DKK3: variants seen among roughly 807,000 people sequenced by gnomAD.
The protein encoded by DKK3 is dickkopf-related protein 3.
Under a neutral mutation model 33.2 loss-of-function variants are expected in DKK3, and 22 were observed. The ratio of observed to expected loss-of-function variants is 0.66; its 90% CI spans 0.47 to 0.95. DKK3 has a LOEUF of 0.95. Ranked by LOEUF, DKK3 falls within the 40% of genes least tolerant of loss-of-function variation. The pLI, the probability that DKK3 is intolerant of heterozygous loss-of-function variation, is 0.00. For synonymous variants in DKK3, 194 were observed against 188.8 expected (o/e 1.03, Z -0.23); for missense variants, 398 against 458.4 (o/e 0.87, Z 1.20).
intron 2 of DKK3, among the ~76,000 whole-genome samples, chr11:12,000,362 A>G (rs1041288972): frequency 3.3e-5 from 5 of 152,090 alleles, no homozygotes. Flanking sequence ...GCGTGCCACC[A>G]TGCCCAGCTA....
At chr11:11,981,331 C>T (rs1847950200) in intron 3 of DKK3, among the ~76,000 whole-genome samples, 1 of 152,186 alleles carries the variant, frequency 6.6e-6, no homozygotes. Flanking sequence ...TGAAAAGAGC[C>T]TCTAGATGGC....
Position 11,965,803 on chromosome 11 carries a change from C to T in DKK3, c.830+6G>A, listed in dbSNP as rs1847576655. 1.2e-6 allele frequency: 2 copies of T among 1,613,514 alleles called. No individual in the cohort carries two copies. Among genetic ancestry groups the T allele is most frequent in the Non-Finnish European group, 1.7e-6 (2 of 1,179,834 alleles). On this transcript the variant is annotated splice_donor_region_variant and intron_variant, in intron 6 of 6. Transcript: ENST00000683431. ...CTCCCTGAGAGTGAGGGTTAGGGGG[C>T]CTCACCTGTGGGGCTGGCAGAGGAG...
upstream of DKK3, chr11:12,009,384 C>T (rs1380162496): frequency 1.0e-6 from 1 of 974,820 alleles, no homozygotes. Context: ...GCCCCGAGCC[C>T]CGCCCGCCCA....
rs568896637 is a variant in DKK3, at chr11:11,983,350, C to T, written c.436-14863G>A. Among the ~76,000 whole-genome samples the T allele has an allele frequency of 1.8e-3, 277 of 152,344 alleles. 2 individuals carry two copies. Among genetic ancestry groups the T allele is most frequent in the South Asian group, 0.011 (51 of 4,826 alleles). ...GTGCTTCTGAGACACAGTCCCTAGG[C>T]ACATGGACTTGAGAGAACTGGGAGG... On this transcript the variant is annotated intron_variant, in intron 3 of 6. Transcript: ENST00000683431.
In DKK3 at chr11:11,964,406, A is replaced by C. The variant is rs1847528693; in HGVS notation, c.*58T>G. On this transcript the variant is annotated 3_prime_UTR_variant, in exon 7 of 7. Transcript: ENST00000683431. ...TGGTCAGCCCACGCCTAAAGCACAC[A>C]CCTGGGGAAATAAATTAGCTATTTC... The C allele has an allele frequency of 1.3e-6, 2 of 1,584,922 alleles. No individual in the cohort carries two copies. Among genetic ancestry groups the C allele is most frequent in the South Asian group, 2.3e-5 (2 of 88,818 alleles).
At chr11:11,976,333 GC>G (rs1266443365) in intron 3 of DKK3, among the ~76,000 whole-genome samples, 3 of 152,166 alleles carry the variant, frequency 2.0e-5, no homozygotes, top group African/African-American at 7.2e-5. Context: ...GGACAAGGAG[GC>G]TGCACGGAAC....
At chr11:12,009,020 A>C, upstream of DKK3, 1 of 989,510 alleles carries the variant, frequency 1.0e-6, no homozygotes, top group Non-Finnish European at 1.2e-6. Context: ...TTCCACCTCA[A>C]GCCTCTCTCA....
intron 3 of DKK3, among the ~76,000 whole-genome samples, chr11:11,995,463 A>G (rs376652651): frequency 6.6e-6 from 1 of 152,158 alleles, no homozygotes; most frequent in Non-Finnish European, 1.5e-5. Flanking sequence ...GTGTTCACCT[A>G]GATACAAACC....
chr11:12,008,771 A>C, upstream of DKK3: 12 of 1,172,628 alleles, frequency 1.0e-5, no homozygotes, highest in Non-Finnish European at 8.4e-6. This position sits in a 1 kb window ranked among gnomAD's most constrained non-coding sequence, Gnocchi z 4.6. Context: ...GCTCCCCTAC[A>C]CCCGAAAAGA....
At chr11:12,001,724 T>C (rs1321092426) in intron 2 of DKK3, 3 of 152,288 alleles carry the variant, frequency 2.0e-5, no homozygotes, top group Non-Finnish European at 2.9e-5. Context: ...TCTTCATGCA[T>C]GATGTTAGAC....
At chr11:11,984,655 TAAAAAAAAAAA>T (rs11297335) in intron 3 of DKK3, among the ~76,000 whole-genome samples, 1 of 139,098 alleles carries the variant, frequency 7.2e-6, no homozygotes, top group Non-Finnish European at 1.6e-5. Flanking sequence ...CAATTTCCTT[TAAAAAAAAAAA>T]AAAAAAGAAA....
At chr11:11,966,008 T>C (rs1192793430) in intron 5 of DKK3, 43 bp from the exon 6 acceptor site, 2 of 1,568,694 alleles carry the variant, frequency 1.3e-6, no homozygotes, top group Non-Finnish European at 1.7e-6. Context: ...CCGTGTAGGG[T>C]AGAAGGGCTC....
chr11:12,008,476 G>A lies in DKK3; in HGVS notation c.107C>T (p.Pro36Leu), dbSNP rs1232289808. ...CTCCTCCTGCGGGTAGCTGAGAGCC[G>A]GGCCGGGCTTGACTGGAGCCGAGGT... ...TATSAPVKPG[P>L]ALSYPQEEAT... is the part of the protein sequence containing the mutation. Residue 36 changes from proline (P) to leucine (L), a missense_variant, in exon 1 of 7, where the codon CCG (proline) becomes CTG (leucine). By Grantham distance (98) the Pro-to-Leu change is moderately conservative. Transcript: ENST00000683431. The surrounding 1 kb of genome is among the most constrained non-coding windows in gnomAD (Gnocchi z 4.6). 1.5e-5 allele frequency: 24 copies of A among 1,606,942 alleles called. No individual in the cohort carries two copies. The highest frequency in any genetic ancestry group is 2.2e-5 in the East Asian group (1 of 44,810).
chr11:11,974,910 A>G (rs1305450641), intron 3 of DKK3, among the ~76,000 whole-genome samples: 1 of 152,180 alleles, frequency 6.6e-6, no homozygotes, highest in Non-Finnish European at 1.5e-5. Context: ...CTTGAAAAAA[A>G]AAAGAATAAC....
At chr11:11,973,057 T>A (rs981208615) in intron 3 of DKK3, among the ~76,000 whole-genome samples, 1 of 152,140 alleles carries the variant, frequency 6.6e-6, no homozygotes, top group African/African-American at 2.4e-5. Context: ...GAAGAGGGAC[T>A]CCATCCTGAA....
In DKK3 at chr11:12,008,277, A is replaced by C; in HGVS notation, c.213+93T>G. The stretch of plus-strand genomic sequence containing the variant: ...CTTCCCAGGCCCTGCGCGGGACCCG[A>C]GGTCCCTGGCCAGCGCTCTTCCATG... On this transcript the variant is annotated intron_variant, in intron 1 of 6. Coordinates refer to ENST00000683431, the MANE Select transcript of DKK3 (RefSeq NM_001018057.2). The surrounding 1 kb of genome is among the most constrained non-coding windows in gnomAD (Gnocchi z 4.6). 1.4e-6 allele frequency: 2 copies of C among 1,443,800 alleles called. No individual in the cohort carries two copies. Among genetic ancestry groups the C allele is most frequent in the Admixed American group, 4.4e-5 (2 of 45,338 alleles). 89.4% of individuals were successfully genotyped at this position (1,443,800 alleles called of 1,614,324 possible).
At chr11:11,969,588 A>T (rs1847680542) in intron 3 of DKK3, among the ~76,000 whole-genome samples, 1 of 152,136 alleles carries the variant, frequency 6.6e-6, no homozygotes, top group Non-Finnish European at 1.5e-5. Context: ...GACCCTCCTG[A>T]GGCCTGGTAT....
At chr11:12,007,569 A>G (rs537760342) in intron 1 of DKK3, among the ~76,000 whole-genome samples, 1 of 152,334 alleles carries the variant, frequency 6.6e-6, no homozygotes, top group South Asian at 2.1e-4. Context: ...TGGAGGGCAG[A>G]AGCTAGGCAA....
intron 6 of DKK3, 99 bp from the exon 7 acceptor site, chr11:11,964,785 C>A: frequency 6.5e-7 from 1 of 1,529,028 alleles, no homozygotes; most frequent in South Asian, 1.2e-5. Flanking sequence ...GCCTCACCTT[C>A]ATGCCCCCTC....
Sources: allele counts gnomAD v4.1 joint callset (sites outside exome capture counted in the v4.1 genomes callset), GRCh38; gene constraint gnomAD v4.1.1; non-coding constraint Gnocchi (gnomAD v3.1); transcripts MANE v1.5; gene names NCBI Gene and HGNC (gene_info 2026-07-23, HGNC 2026-07-21).